SGCZ: variants seen among roughly 807,000 people sequenced by gnomAD.
SGCZ encodes the protein zeta-sarcoglycan.
In SGCZ, 40 loss-of-function variants were observed where a neutral mutation model predicts 41.3. The ratio of observed to expected loss-of-function variants is 0.97; its 90% CI spans 0.75 to 1.26. SGCZ has a LOEUF of 1.26. SGCZ is among the 50% of genes most tolerant of loss of function. The pLI, the probability that SGCZ is intolerant of heterozygous loss-of-function variation, is 0.00. For missense variants in SGCZ, 552 were observed against 369.8 expected, an observed-to-expected ratio of 1.49 and a Z score of -4.04; for synonymous variants, 206 against 137.5, an observed-to-expected ratio of 1.50 and a Z score of -3.49.
intron 1 of SGCZ, among the ~76,000 whole-genome samples, chr8:14,870,844 G>A (rs139716756): frequency 2.0e-5 from 3 of 152,172 alleles, no homozygotes; most frequent in South Asian, 4.2e-4. Context: ...ATCACTGGTC[G>A]TTAGAGAAAT....
intron 1 of SGCZ, among the ~76,000 whole-genome samples, chr8:15,101,380 T>A (rs1194659780): frequency 6.6e-6 from 1 of 151,956 alleles, no homozygotes; most frequent in East Asian, 1.9e-4. Context: ...ATTCAAAATA[T>A]TAAAAGTAAA....
At chr8:14,380,707 C>T (rs1478997163) in intron 2 of SGCZ, among the ~76,000 whole-genome samples, 1 of 152,052 alleles carries the variant, frequency 6.6e-6, no homozygotes, top group Non-Finnish European at 1.5e-5. Flanking sequence ...GAAAAATTAG[C>T]TGGGCATGGT....
At chr8:14,364,771 T>C (rs1803639508) in intron 2 of SGCZ, among the ~76,000 whole-genome samples, 1 of 152,160 alleles carries the variant, frequency 6.6e-6, no homozygotes, top group African/African-American at 2.4e-5. Context: ...ATTTGCTCAT[T>C]TTGATATTAT....
intron 5 of SGCZ, among the ~76,000 whole-genome samples, chr8:14,116,010 C>T (rs1802511353): frequency 2.0e-5 from 3 of 152,016 alleles, no homozygotes; most frequent in Admixed American, 2.0e-4. Context: ...TTCATCTCAG[C>T]AGCACTTTCA....
intron 1 of SGCZ, among the ~76,000 whole-genome samples, chr8:14,573,467 C>T (rs966151132): frequency 2.0e-5 from 3 of 152,052 alleles, no homozygotes; most frequent in African/African-American, 7.2e-5. Context: ...GGATTACAGG[C>T]ATGAGCCACT....
chr8:15,019,609 C>G (rs1299516397), intron 1 of SGCZ, among the ~76,000 whole-genome samples: 1 of 151,792 alleles, frequency 6.6e-6, no homozygotes, highest in African/African-American at 2.4e-5. Flanking sequence ...TTCTCAGCTC[C>G]TCTGACCTGT....
intron 2 of SGCZ, among the ~76,000 whole-genome samples, chr8:14,410,506 G>C (rs1254914906): frequency 6.6e-6 from 1 of 151,192 alleles, no homozygotes; most frequent in Non-Finnish European, 1.5e-5. Context: ...TTTTTGGACT[G>C]TAATGTGAAA....
At chr8:14,216,116 G>C (rs1003359217) in intron 4 of SGCZ, among the ~76,000 whole-genome samples, 6 of 152,242 alleles carry the variant, frequency 3.9e-5, no homozygotes, top group African/African-American at 1.2e-4. Flanking sequence ...TCCCCTGAGA[G>C]AGTAGCCTTG....
chr8:14,254,326 T>C (rs1799388613), intron 3 of SGCZ, among the ~76,000 whole-genome samples: 1 of 152,348 alleles, frequency 6.6e-6, no homozygotes, highest in South Asian at 2.1e-4. Flanking sequence ...CTTCGCTCTC[T>C]CAGAAGCTTA....
chr8:14,806,831 A>C (rs1165632265), intron 1 of SGCZ, among the ~76,000 whole-genome samples: 1 of 151,916 alleles, frequency 6.6e-6, no homozygotes, highest in Non-Finnish European at 1.5e-5. Flanking sequence ...AAAAATCCTC[A>C]ATAAAATACT....
chr8:15,043,193 C>A (rs1002944791), intron 1 of SGCZ, among the ~76,000 whole-genome samples: 2 of 152,120 alleles, frequency 1.3e-5, no homozygotes, highest in Non-Finnish European at 2.9e-5. Flanking sequence ...CTTTAATCAG[C>A]TAGTAAAATA....
chr8:15,201,232 G>C (rs1053117647), intron 1 of SGCZ, among the ~76,000 whole-genome samples: 2 of 152,134 alleles, frequency 1.3e-5, no homozygotes, highest in African/African-American at 2.4e-5. Flanking sequence ...GGCCGGGCTG[G>C]TCTCGAACTC....
intron 1 of SGCZ, among the ~76,000 whole-genome samples, chr8:14,840,242 TGAAG>T (rs1203434502): frequency 1.3e-5 from 2 of 152,150 alleles, no homozygotes; most frequent in East Asian, 3.8e-4. Context: ...GGGTTGCCAG[TGAAG>T]TCTCCTTGCC....
At chr8:14,174,017 G>T (rs894111636) in intron 4 of SGCZ, among the ~76,000 whole-genome samples, 4 of 151,932 alleles carry the variant, frequency 2.6e-5, no homozygotes, top group Non-Finnish European at 5.9e-5. Context: ...GTTTTAAAAA[G>T]CTACTTTGTA....
At chr8:14,290,796 C>T (rs1171142844) in intron 3 of SGCZ, among the ~76,000 whole-genome samples, 1 of 152,036 alleles carries the variant, frequency 6.6e-6, no homozygotes, top group African/African-American at 2.4e-5. Context: ...CCCTCATAAG[C>T]TACCAGTAGA....
At chr8:14,990,789 C>G (rs551531133) in intron 1 of SGCZ, among the ~76,000 whole-genome samples, 1 of 152,082 alleles carries the variant, frequency 6.6e-6, no homozygotes, top group Non-Finnish European at 1.5e-5. Flanking sequence ...AAATTGTCTT[C>G]CATGAAAGTT....
intron 2 of SGCZ, among the ~76,000 whole-genome samples, chr8:14,530,425 T>C (rs1044522156): frequency 3.9e-5 from 6 of 152,160 alleles, no homozygotes; most frequent in African/African-American, 1.2e-4. Context: ...ATGTTTTTAT[T>C]TGATAATACT....
intron 1 of SGCZ, among the ~76,000 whole-genome samples, chr8:15,022,149 T>C (rs1236509886): frequency 6.6e-6 from 1 of 152,202 alleles, no homozygotes; most frequent in Non-Finnish European, 1.5e-5. Context: ...TATCTGTCTT[T>C]ATATGAATTT....
intron 1 of SGCZ, among the ~76,000 whole-genome samples, chr8:14,669,812 C>A (rs1186160672): frequency 2.6e-5 from 4 of 151,802 alleles, no homozygotes; most frequent in African/African-American, 9.7e-5. Flanking sequence ...AATGGGAGTG[C>A]AGATATCTCA....
Sources: allele counts gnomAD v4.1 joint callset (sites outside exome capture counted in the v4.1 genomes callset), GRCh38; gene constraint gnomAD v4.1.1; transcripts MANE v1.5; gene names NCBI Gene and HGNC (gene_info 2026-07-23, HGNC 2026-07-21).